Variants in CCDC6 observed in about 807,000 individuals in gnomAD.
CCDC6 encodes the protein coiled-coil domain containing 6.
CCDC6 carries 20 observed loss-of-function variants against 56.6 expected under a neutral mutation model. The observed-to-expected ratio is 0.35, with a 90% CI of 0.25 to 0.51. The LOEUF is 0.51. CCDC6 is among the 20% of genes least tolerant of loss of function. The probability of loss-of-function intolerance (pLI) is 0.95; values close to 1 mark genes in which losing one functional copy is unlikely to be tolerated. For missense variants in CCDC6, 367 were observed against 601.1 expected, an observed-to-expected ratio of 0.61 and a Z score of 4.07; for synonymous variants, 241 against 234.4, an observed-to-expected ratio of 1.03 and a Z score of -0.26.
chr10:59,898,074 T>C (rs1207672369), intron 1 of CCDC6, among the ~76,000 whole-genome samples: 4 of 152,238 alleles, frequency 2.6e-5, no homozygotes, highest in African/African-American at 4.8e-5. Context: ...AAATTTCCTA[T>C]AAAATAGTAC....
chr10:59,874,145 G>GCA (rs2071258043), intron 1 of CCDC6, among the ~76,000 whole-genome samples: 40 of 73,026 alleles, frequency 5.5e-4, no homozygotes, highest in African/African-American at 1.9e-3. Flanking sequence ...ACACACACAC[G>GCA]CACACACCCC....
In CCDC6 at chr10:59,862,544, C is replaced by T. The variant is rs1246685754; in HGVS notation, c.304-9842G>A. On this transcript the variant is annotated intron_variant, in intron 1 of 8. Transcript: ENST00000263102. ...ACACACACACACACACACACACACACACACACACACACATATATATACACA... is the reference window on the plus strand; with the variant it reads ...ACACACACACACACACACACACACATACACACACACACATATATATACACA... Among the ~76,000 whole-genome samples the T allele has an allele frequency of 1.8e-3, 192 of 107,712 alleles. 7 individuals carry two copies. Among genetic ancestry groups the T allele is most frequent in the African/African-American group, 5.7e-3 (115 of 20,006 alleles). 70.7% of individuals were successfully genotyped at this position (107,712 alleles called of 152,430 possible). A position where few individuals can be genotyped will look rare whatever the true frequency, so the allele number is the denominator to read the frequency against.
intron 1 of CCDC6, among the ~76,000 whole-genome samples, chr10:59,858,467 C>T (rs16914288): frequency 0.033 from 5,053 of 152,268 alleles, 275 homozygotes; most frequent in African/African-American, 0.11. Context: ...GTCATTGTTA[C>T]AGGACTGCAG....
chr10:59,886,346 C>T (rs776218090), intron 1 of CCDC6, among the ~76,000 whole-genome samples: 10 of 152,098 alleles, frequency 6.6e-5, no homozygotes, highest in Non-Finnish European at 1.3e-4. Flanking sequence ...AGGAAATTAT[C>T]CTAATTCAAG....
intron 1 of CCDC6, among the ~76,000 whole-genome samples, chr10:59,882,771 T>G (rs956489845): frequency 1.3e-5 from 2 of 152,084 alleles, no homozygotes; most frequent in African/African-American, 4.8e-5. Context: ...CCATTCTGGG[T>G]AACACAGTGA....
At chr10:59,887,971 T>C (rs983626244) in intron 1 of CCDC6, among the ~76,000 whole-genome samples, 1 of 152,132 alleles carries the variant, frequency 6.6e-6, no homozygotes, top group Non-Finnish European at 1.5e-5. Flanking sequence ...GATCCTTTAT[T>C]TTCTAAGGAG....
intron 2 of CCDC6, among the ~76,000 whole-genome samples, chr10:59,839,468 T>C (rs1267548236): frequency 6.6e-6 from 1 of 152,142 alleles, no homozygotes; most frequent in Non-Finnish European, 1.5e-5. Context: ...AAAACAACGG[T>C]TGGGGGTGGG....
At chr10:59,886,476 T>C (rs1368497598) in intron 1 of CCDC6, among the ~76,000 whole-genome samples, 4 of 152,182 alleles carry the variant, frequency 2.6e-5, no homozygotes, top group African/African-American at 9.7e-5. Context: ...ATATCTGGCA[T>C]CGCTACTTCT....
At chr10:59,830,427 AATTATTTATAGTCAAAG>A (rs1228611702) in intron 3 of CCDC6, among the ~76,000 whole-genome samples, 2 of 152,206 alleles carry the variant, frequency 1.3e-5, no homozygotes, top group African/African-American at 2.4e-5. Flanking sequence ...TGCTGATTAA[AATTATTTATAGTCAAAG>A]AAAACACATT....
chr10:59,818,191 T>C (rs117153358), intron 3 of CCDC6, among the ~76,000 whole-genome samples: 4 of 151,830 alleles, frequency 2.6e-5, no homozygotes, highest in African/African-American at 9.7e-5. Flanking sequence ...GCCAGGGAAA[T>C]AAGGACAGTT....
intron 3 of CCDC6, among the ~76,000 whole-genome samples, chr10:59,816,164 G>T (rs991117221): frequency 2.0e-5 from 3 of 152,120 alleles, no homozygotes; most frequent in Admixed American, 2.0e-4. Context: ...CCACATCTGA[G>T]CCAGAATGAA....
intron 1 of CCDC6, among the ~76,000 whole-genome samples, chr10:59,868,443 T>C (rs556717582): frequency 3.3e-5 from 5 of 152,248 alleles, no homozygotes; most frequent in African/African-American, 1.2e-4. Flanking sequence ...ACTAGACCGT[T>C]CCTGTGATTA....
rs139888171 is a variant in CCDC6, at chr10:59,809,354, C to T, written c.848-2276G>A. ...AGAAAAAATGGCAATCCTTTAGCATCGGGGAACTCAGCAGGGGGATCCTTA... is the reference window on the plus strand; with the variant it reads ...AGAAAAAATGGCAATCCTTTAGCATTGGGGAACTCAGCAGGGGGATCCTTA... On this transcript the variant is annotated intron_variant, in intron 5 of 8. Coordinates refer to ENST00000263102, the MANE Select transcript of CCDC6 (RefSeq NM_005436.5). Among the ~76,000 whole-genome samples the T allele has an allele frequency of 7.2e-3, 1,095 of 152,258 alleles. 17 individuals are homozygous for T. The highest frequency in any genetic ancestry group is 0.025 in the African/African-American group (1,048 of 41,550).
chr10:59,833,405 T>C (rs966472020), intron 2 of CCDC6, among the ~76,000 whole-genome samples: 1 of 152,014 alleles, frequency 6.6e-6, no homozygotes, highest in African/African-American at 2.4e-5. Context: ...GCTGAGATAG[T>C]GCCATTGCAC....
At chr10:59,879,290 A>G (rs2071311552) in intron 1 of CCDC6, among the ~76,000 whole-genome samples, 1 of 152,246 alleles carries the variant, frequency 6.6e-6, no homozygotes, top group Non-Finnish European at 1.5e-5. Flanking sequence ...TTAAAGAATA[A>G]GAAGTTACTG....
At chr10:59,862,548 C>T (rs1229558648) in intron 1 of CCDC6, among the ~76,000 whole-genome samples, 1,067 of 83,916 alleles carry the variant, frequency 0.013, 51 homozygotes, top group African/African-American at 0.025. Flanking sequence ...CACACACACA[C>T]ACACACACAT....
chr10:59,789,782 A>G lies in CCDC6; in HGVS notation c.*3135T>C, dbSNP rs2132616509. On this transcript the variant is annotated 3_prime_UTR_variant, in exon 9 of 9. Coordinates refer to ENST00000263102, the MANE Select transcript of CCDC6 (RefSeq NM_005436.5). ...TTCTTGCCTTATTGGGCATTCTCTA[A>G]AAGCAAGGCTTTGTGCAGGAAAAGT... 1 of 220,750 alleles carries G rather than the reference A, an allele frequency of 4.5e-6. No individual in the cohort carries two copies. The highest frequency in any genetic ancestry group is 1.4e-3 in the Middle Eastern group (1 of 720). The allele number at this position is 220,750 out of a possible 1,614,324, so 13.7% of individuals were successfully genotyped here. A position where few individuals can be genotyped will look rare whatever the true frequency, so the allele number is the denominator to read the frequency against.
intron 5 of CCDC6, among the ~76,000 whole-genome samples, chr10:59,812,145 C>A (rs1384427022): frequency 6.6e-6 from 1 of 151,218 alleles, no homozygotes; most frequent in Non-Finnish European, 1.5e-5. Flanking sequence ...GAAATCTAGT[C>A]CTTTGATTTT....
chr10:59,840,215 G>T lies in CCDC6; in HGVS notation c.454-7562C>A, dbSNP rs558175437. 3.9e-5 allele frequency among the ~76,000 whole-genome samples: 6 copies of T among 152,318 alleles called. No individual in the cohort carries two copies. The South Asian group carries it at 1.2e-3, about 32-fold the overall frequency. ...CATGTAATATGATATATACCCAGGA[G>T]AGAAACCACTGGGTCATAGAGAATA... is the stretch of plus-strand genomic sequence containing the variant. On this transcript the variant is annotated intron_variant, in intron 2 of 8. Coordinates refer to ENST00000263102, the MANE Select transcript of CCDC6 (RefSeq NM_005436.5).
Sources: allele counts gnomAD v4.1 joint callset (sites outside exome capture counted in the v4.1 genomes callset), GRCh38; gene constraint gnomAD v4.1.1; transcripts MANE v1.5; gene names NCBI Gene and HGNC (gene_info 2026-07-23, HGNC 2026-07-21).